The following MAST4 variants were observed in gnomAD, a reference collection of about 807,000 sequenced individuals.
MAST4 encodes the protein microtubule-associated serine/threonine-protein kinase 4.
In MAST4, 89 loss-of-function variants were observed where a neutral mutation model predicts 162.7. The ratio of observed to expected loss-of-function variants is 0.55; its 90% confidence interval spans 0.46 to 0.65. The LOEUF (loss-of-function observed/expected upper bound fraction) is 0.65. Ranked by LOEUF, MAST4 falls within the 30% of genes least tolerant of loss-of-function variation. The pLI is 0.00. For synonymous variants in MAST4, 1,479 were observed against 1,361.1 expected (o/e 1.09, Z -1.91); for missense variants, 3,153 against 3,374.0 (o/e 0.93, Z 1.62).
intron 4 of MAST4, among the ~76,000 whole-genome samples, chr5:66,947,680 G>C (rs551587753): frequency 1.2e-4 from 18 of 152,036 alleles, no homozygotes; most frequent in African/African-American, 4.1e-4. Flanking sequence ...GCATTTCCCC[G>C]TGGCAGGAGA....
At chr5:67,050,296 C>T (rs1019264979) in intron 4 of MAST4, among the ~76,000 whole-genome samples, 1 of 152,102 alleles carries the variant, frequency 6.6e-6, no homozygotes, top group Non-Finnish European at 1.5e-5. Flanking sequence ...GTCCTCATTT[C>T]ACCTGCCTGA....
Position 66,949,765 on chromosome 5 carries a change from T to C in MAST4, c.674+49783T>C, listed in dbSNP as rs569019946. Among the ~76,000 whole-genome samples the C allele has an allele frequency of 2.6e-5, 4 of 152,328 alleles. No homozygotes were observed. The East Asian group carries it at 7.7e-4, about 29-fold the overall frequency. On this transcript the variant is annotated intron_variant, in intron 4 of 28. Coordinates refer to ENST00000403625, the MANE Select transcript of MAST4 (RefSeq NM_001164664.2). The stretch of plus-strand genomic sequence containing the variant: ...CCTATTTTTCGTGGTTCTGATTTAA[T>C]TTACTTTTAATTTTCTACTTTGCTT...
chr5:67,074,297 A>G (rs753480887), intron 5 of MAST4, among the ~76,000 whole-genome samples: 12 of 152,280 alleles, frequency 7.9e-5, no homozygotes, highest in Non-Finnish European at 1.5e-4. Flanking sequence ...ACATGGTAAT[A>G]TTCATTTCTG....
chr5:66,720,938 C>A (rs966925162), intron 1 of MAST4, among the ~76,000 whole-genome samples: 1 of 152,114 alleles, frequency 6.6e-6, no homozygotes, highest in Non-Finnish European at 1.5e-5. Context: ...GAGACTCCCC[C>A]ATCCCATTTC....
intron 1 of MAST4, among the ~76,000 whole-genome samples, chr5:66,714,256 T>C (rs913527015): frequency 1.3e-5 from 2 of 152,136 alleles, no homozygotes; most frequent in Non-Finnish European, 2.9e-5. Flanking sequence ...AATCAGGCCC[T>C]TTGTTAGTTG....
intron 5 of MAST4, among the ~76,000 whole-genome samples, chr5:67,078,916 ATATATATATATATAT>A (rs1762185512): frequency 2.9e-4 from 19 of 65,684 alleles, no homozygotes; most frequent in South Asian, 1.0e-3. Flanking sequence ...ATATAAATAT[ATATATATATATATAT>A]ATATATATAT....
chr5:66,940,673 A>G (rs1459583478), intron 4 of MAST4, among the ~76,000 whole-genome samples: 1 of 151,984 alleles, frequency 6.6e-6, no homozygotes, highest in African/African-American at 2.4e-5. Context: ...TCCTTTTTTC[A>G]TTGAAGTCTT....
chr5:66,974,494 T>G (rs17283747), intron 4 of MAST4, among the ~76,000 whole-genome samples: 10,254 of 152,296 alleles, frequency 0.067, 427 homozygotes, highest in Middle Eastern at 0.11. Context: ...CTTCTAGTAG[T>G]TTTCCTGCCT....
chr5:66,956,054 C>A (rs1745280368), intron 4 of MAST4, among the ~76,000 whole-genome samples: 1 of 151,856 alleles, frequency 6.6e-6, no homozygotes, highest in African/African-American at 2.4e-5. Context: ...AGCTCCTGGC[C>A]TTAAGTAATC....
Position 67,134,527 on chromosome 5 carries a change from G to A in MAST4, c.2231G>A (p.Cys744Tyr). The A allele has an allele frequency of 6.2e-7, 1 of 1,611,942 alleles. No homozygotes were observed. The highest frequency in any genetic ancestry group is 8.5e-7 in the Non-Finnish European group (1 of 1,178,870). Residue 744 changes from cysteine to tyrosine, a missense_variant, in exon 18 of 29, where the codon TGT becomes TAT. By Grantham distance (194) the Cys-to-Tyr change is radical. Coordinates refer to ENST00000403625, the MANE Select transcript of MAST4 (RefSeq NM_001164664.2). Reference sequence around the variant, plus strand: ...AATATTGCAATTATCTTTTAGGTCTGTGGCACACCTGAATACATTGCACCA... The same window carrying A: ...AATATTGCAATTATCTTTTAGGTCTATGGCACACCTGAATACATTGCACCA... ...DAREFLDKQVCGTPEYIAPEV... is the reference protein window; with the variant it reads ...DAREFLDKQVYGTPEYIAPEV...
At chr5:66,728,671 A>T (rs1452864497) in intron 1 of MAST4, among the ~76,000 whole-genome samples, 1 of 152,192 alleles carries the variant, frequency 6.6e-6, no homozygotes, top group African/African-American at 2.4e-5. Flanking sequence ...GTCTACGGAG[A>T]AAGGTAACAA....
At chr5:66,609,264 G>A (rs763113646) in intron 1 of MAST4, among the ~76,000 whole-genome samples, 24 of 152,028 alleles carry the variant, frequency 1.6e-4, no homozygotes, top group Admixed American at 4.6e-4. Flanking sequence ...TAGGATCTCC[G>A]TTTCCCTGGG....
At chr5:66,766,279 T>C (rs1276212663) in intron 2 of MAST4, among the ~76,000 whole-genome samples, 2 of 152,192 alleles carry the variant, frequency 1.3e-5, no homozygotes, top group African/African-American at 4.8e-5. Context: ...TGTGTTTTTT[T>C]TCCCCCCAAA....
At chr5:66,660,044 G>A (rs947696344) in intron 1 of MAST4, among the ~76,000 whole-genome samples, 1 of 151,986 alleles carries the variant, frequency 6.6e-6, no homozygotes, top group African/African-American at 2.4e-5. Flanking sequence ...GGGTGTCTTA[G>A]GATGAGTAGG....
intron 7 of MAST4, among the ~76,000 whole-genome samples, chr5:67,098,950 A>G (rs1467650206): frequency 1.3e-5 from 2 of 152,192 alleles, no homozygotes; most frequent in African/African-American, 4.8e-5. Flanking sequence ...TATTTTAAAC[A>G]GCTTCCCATC....
At chr5:67,116,139 G>A (rs184506659) in intron 12 of MAST4, among the ~76,000 whole-genome samples, 2 of 152,266 alleles carry the variant, frequency 1.3e-5, no homozygotes, top group East Asian at 3.9e-4. Context: ...ATCACTGGGA[G>A]TTGTGTTTTT....
At chr5:66,599,918 G>GGGGTGT (rs1742443600) in intron 1 of MAST4, among the ~76,000 whole-genome samples, 1 of 149,974 alleles carries the variant, frequency 6.7e-6, no homozygotes, top group African/African-American at 2.4e-5. Context: ...TTTCTAAAGG[G>GGGGTGT]GTGTGTGTGT....
At chr5:66,816,304 T>C (rs1329930960) in intron 3 of MAST4, among the ~76,000 whole-genome samples, 1 of 152,142 alleles carries the variant, frequency 6.6e-6, no homozygotes, top group African/African-American at 2.4e-5. Context: ...CTTCTTCCGA[T>C]GTGGCTTAGG....
chr5:67,153,603 G>A (rs1388822423), intron 26 of MAST4, 23 bp downstream of exon 26: 2 of 1,549,268 alleles, frequency 1.3e-6, no homozygotes, highest in Non-Finnish European at 1.7e-6. Context: ...TTATGTCAGG[G>A]CCATGCTGAT....
Sources: gnomAD v4.1 joint callset for allele counts (sites outside exome capture counted in the v4.1 genomes callset) on GRCh38, gnomAD v4.1.1 for gene constraint, MANE v1.5 for transcripts, NCBI Gene and HGNC (gene_info 2026-07-23, HGNC 2026-07-21) for gene names.